CYP39A1: variants seen among roughly 807,000 people sequenced by gnomAD.
CYP39A1 encodes the protein cytochrome P450 family 39 subfamily A member 1, also known as 24-hydroxycholesterol 7-alpha-hydroxylase.
A neutral mutation model predicts 58.1 loss-of-function variants in CYP39A1; 49 were observed. The ratio of observed to expected loss-of-function variants is 0.84; its 90% confidence interval spans 0.67 to 1.07. The LOEUF (loss-of-function observed/expected upper bound fraction) is 1.07, where lower values mean the gene tolerates loss of function less well. Among genes scored for constraint, CYP39A1 ranks in the 50% least tolerant of loss-of-function variants. The pLI is 0.00. For missense variants in CYP39A1, 531 were observed against 539.4 expected, an observed-to-expected ratio of 0.98 and a Z score of 0.16; for synonymous variants, 209 against 187.6, an observed-to-expected ratio of 1.11 and a Z score of -0.93.
chr6:46,567,576 A>G (rs2150490636), intron 10 of CYP39A1, among the ~76,000 whole-genome samples: 1 of 152,210 alleles, frequency 6.6e-6, no homozygotes, highest in South Asian at 2.1e-4. Context: ...TCCATTTTAC[A>G]TTCCCACCAA....
In CYP39A1 at chr6:46,553,782, G is replaced by T; in HGVS notation, c.1323C>A (p.Asp441Glu). The change falls in exon 11 of 12, where the codon GAC becomes GAA. Residue 441 changes from aspartate to glutamate, a missense_variant. Coordinates refer to ENST00000275016, the MANE Select transcript of CYP39A1 (RefSeq NM_016593.5). ...AAACACTTACCTGTTTGGGTAATGG[G>T]TCCAGAAGACTACAGTCATATTTAT... The part of the protein sequence containing the change: ...ILYKYDCSLL[D>E]PLPKQSYLHL... 1 of 1,608,928 alleles carries T rather than the reference G, an allele frequency of 6.2e-7. No homozygotes were observed. The highest frequency in any genetic ancestry group is 8.5e-7 in the Non-Finnish European group (1 of 1,176,050).
chr6:46,605,018 A>G (rs928225776), intron 7 of CYP39A1, among the ~76,000 whole-genome samples: 3 of 151,540 alleles, frequency 2.0e-5, no homozygotes, highest in Middle Eastern at 3.4e-3. Flanking sequence ...AAAAAAAAAA[A>G]GGTCCATGCA....
rs754009455 is a variant in CYP39A1, at chr6:46,625,418, C to T, written c.931G>A (p.Gly311Ser). The T allele has an allele frequency of 7.5e-6, 12 of 1,602,186 alleles. No homozygotes were observed. In the African/African-American group the frequency reaches 1.1e-4, roughly 14 times the overall value. Residue 311 changes from glycine to serine, a missense_variant and splice_region_variant, in exon 7 of 12, where the codon GGC (glycine) becomes AGC (serine). Gly to Ser is a moderately conservative substitution (Grantham distance 56). Coordinates refer to ENST00000275016, the MANE Select transcript of CYP39A1 (RefSeq NM_016593.5). ...CTTCCTATATAATAAGGTTTAGTACCTGCTTTGCCAAACACAGAAGATATG... is the reference window on the plus strand; with the variant it reads ...CTTCCTATATAATAAGGTTTAGTACTTGCTTTGCCAAACACAGAAGATATG... ...EGISSVFGKA[G>S]KDKIKVSEDD...
chr6:46,621,296 A>C (rs1223398920), intron 7 of CYP39A1, among the ~76,000 whole-genome samples: 2 of 151,642 alleles, frequency 1.3e-5, no homozygotes, highest in African/African-American at 4.9e-5. Flanking sequence ...CTAAAGAACT[A>C]AATAGAGAAA....
At chr6:46,643,252 A>G (rs1053146363) in intron 1 of CYP39A1, among the ~76,000 whole-genome samples, 6 of 152,134 alleles carry the variant, frequency 3.9e-5, no homozygotes, top group African/African-American at 1.4e-4. Context: ...CCATGACTCT[A>G]TCATCAAAAG....
chr6:46,561,775 T>G (rs1582293390), intron 10 of CYP39A1, among the ~76,000 whole-genome samples: 2 of 152,118 alleles, frequency 1.3e-5, no homozygotes, highest in Non-Finnish European at 2.9e-5. Flanking sequence ...GCTAAGCAAA[T>G]GAGAAATGCA....
At chr6:46,651,935 C>T (rs1051554491) in intron 1 of CYP39A1, among the ~76,000 whole-genome samples, 5 of 152,176 alleles carry the variant, frequency 3.3e-5, no homozygotes, top group Non-Finnish European at 7.3e-5. Context: ...TGGAGTACAT[C>T]ATCATCAAAT....
chr6:46,599,251 T>C (rs1040972676), intron 7 of CYP39A1, among the ~76,000 whole-genome samples: 6 of 152,108 alleles, frequency 3.9e-5, no homozygotes, highest in African/African-American at 1.4e-4. Flanking sequence ...GTTAATGCAA[T>C]AAGCGCTATC....
At chr6:46,602,531 G>A (rs1319649607) in intron 7 of CYP39A1, among the ~76,000 whole-genome samples, 1 of 151,538 alleles carries the variant, frequency 6.6e-6, no homozygotes, top group African/African-American at 2.4e-5. Context: ...CACAGTGCTG[G>A]ACTGGGCGTG....
intron 10 of CYP39A1, among the ~76,000 whole-genome samples, chr6:46,578,618 T>A: frequency 6.6e-6 from 1 of 151,322 alleles, no homozygotes; most frequent in Non-Finnish European, 1.5e-5. Context: ...TTACAACCAA[T>A]CCCACAGAAA....
At position 46,550,435 on chromosome 6, in the gene CYP39A1, ACT is replaced by A; in HGVS notation, c.1339_1340del (p.Ser447LeufsTer17). 1 of 1,610,118 alleles carries A rather than the reference ACT, an allele frequency of 6.2e-7. No individual in the cohort carries two copies. Among genetic ancestry groups the A allele is most frequent in the Non-Finnish European group, 8.5e-7 (1 of 1,178,066 alleles). On this transcript the variant is annotated frameshift_variant and splice_region_variant, in exon 12 of 12. Transcript: ENST00000275016. LOFTEE classifies it high-confidence loss of function. ...GGGGGACACCCACCAAATGGAGATA[ACT>A]CTAAAAACAGAAATGCAGAAGAAAT... Reference protein sequence around the residue: ...CSLLDPLPKQSYLHLVGVPQP... With the variant: ...CSLLDPLPKQXYLHLVGVPQP...
rs75251681 is a variant in CYP39A1 at position 46,594,483 on chromosome 6, T to C, written c.1065+1504A>G. Among the ~76,000 whole-genome samples, 626 of 152,046 alleles carry C rather than the reference T, an allele frequency of 4.1e-3. 5 individuals are homozygous for C. The highest frequency in any genetic ancestry group is 0.014 in the African/African-American group (595 of 41,508). ...AGGCACATAGATCAATAGAACAGAA[T>C]AGACAGCCCCAGAATAAATACACAC... On this transcript the variant is annotated intron_variant, in intron 8 of 11. Transcript: ENST00000275016.
intron 7 of CYP39A1, among the ~76,000 whole-genome samples, chr6:46,623,830 T>C (rs1174897165): frequency 1.3e-5 from 2 of 152,144 alleles, no homozygotes; most frequent in Non-Finnish European, 2.9e-5. Flanking sequence ...TACTAGATCT[T>C]ATGTATGGAT....
chr6:46,585,658 AT>A (rs1157945610), intron 10 of CYP39A1, among the ~76,000 whole-genome samples: 1 of 152,168 alleles, frequency 6.6e-6, no homozygotes, highest in African/African-American at 2.4e-5. Flanking sequence ...TATGGTGGGT[AT>A]TCAGCTCCAA....
At chr6:46,588,397 A>T (rs1162991855) in intron 8 of CYP39A1, among the ~76,000 whole-genome samples, 1 of 151,962 alleles carries the variant, frequency 6.6e-6, no homozygotes, top group Non-Finnish European at 1.5e-5. Flanking sequence ...TCTGATTCAC[A>T]TGTACATATA....
At chr6:46,573,605 T>C (rs934126388) in intron 10 of CYP39A1, among the ~76,000 whole-genome samples, 3 of 152,094 alleles carry the variant, frequency 2.0e-5, no homozygotes, top group Admixed American at 6.5e-5. Flanking sequence ...GTAACCACAG[T>C]AGCACTGGTT....
intron 7 of CYP39A1, among the ~76,000 whole-genome samples, chr6:46,607,082 T>C (rs1321188880): frequency 6.6e-6 from 1 of 152,144 alleles, no homozygotes; most frequent in Admixed American, 6.5e-5. Flanking sequence ...CAAACCTATG[T>C]CTGTCTATAC....
chr6:46,620,622 A>G (rs1431115039), intron 7 of CYP39A1, among the ~76,000 whole-genome samples: 2 of 152,074 alleles, frequency 1.3e-5, no homozygotes, highest in Non-Finnish European at 2.9e-5. Flanking sequence ...TTCAGGAAAG[A>G]CATGAGAAGG....
rs113857056 is a variant in CYP39A1, at chr6:46,623,265, A to C, written c.931+2153T>G. Among the ~76,000 whole-genome samples, 979 of 152,076 alleles carry C rather than the reference A, an allele frequency of 6.4e-3. 10 individuals carry two copies. The highest frequency in any genetic ancestry group is 0.022 in the African/African-American group (907 of 41,504). On this transcript the variant is annotated intron_variant, in intron 7 of 11. Transcript: ENST00000275016. ...TATTACTAGTTGATATTAGCATTTC[A>C]ATCAGTAGACTGAGTAGGGCAGACT...
Sources: allele counts gnomAD v4.1 joint callset (sites outside exome capture counted in the v4.1 genomes callset), GRCh38; gene constraint gnomAD v4.1.1; transcripts MANE v1.5; gene names NCBI Gene and HGNC (gene_info 2026-07-23, HGNC 2026-07-21).